The following DCDC1 variants were observed in gnomAD, a reference collection of about 807,000 sequenced individuals.
DCDC1 encodes the protein doublecortin domain-containing protein 1.
A neutral mutation model predicts 178.3 loss-of-function variants in DCDC1; 200 were observed. The ratio of observed to expected loss-of-function variants is 1.12; its 90% confidence interval spans 1.00 to 1.26. The LOEUF (loss-of-function observed/expected upper bound fraction) is 1.26. DCDC1 is among the 50% of genes most tolerant of loss of function. DCDC1 has a pLI of 0.00. For synonymous variants in DCDC1, 690 were observed against 604.8 expected, an observed-to-expected ratio of 1.14 and a Z score of -2.07; for missense variants, 1,983 against 1,749.2, an observed-to-expected ratio of 1.13 and a Z score of -2.38.
intron 20 of DCDC1, among the ~76,000 whole-genome samples, chr11:31,053,408 A>C (rs536642537): frequency 6.6e-6 from 1 of 152,262 alleles, no homozygotes; most frequent in African/African-American, 2.4e-5. Context: ...CATTCAAAGA[A>C]AAATTGGTAC....
rs1977128960 is a variant in DCDC1 at position 31,241,489 on chromosome 11, C to T, written c.1182G>A (p.Leu394=). 1 of 397,316 alleles carries T rather than the reference C, an allele frequency of 2.5e-6. No individual in the cohort carries two copies. The highest frequency in any genetic ancestry group is 1.3e-4 in the South Asian group (1 of 7,844). The allele number at this position is 397,316 out of a possible 1,614,324, so 24.6% of individuals were successfully genotyped here. Reference sequence around the variant, plus strand: ...TTTTTGCAGACTTTAATCGTTGGTACAGGGCCAAAAGAACTCCTTGGATGT... The same window carrying T: ...TTTTTGCAGACTTTAATCGTTGGTATAGGGCCAAAAGAACTCCTTGGATGT... ...KMYIQGVLLA[L]YQRLKSAKKY... Residue 394 remains leucine (L), a synonymous_variant, in exon 9 of 39, where the codon CTG becomes CTA. Transcript: ENST00000684477.
At chr11:31,063,209 T>C (rs1365873457) in intron 20 of DCDC1, among the ~76,000 whole-genome samples, 3 of 152,046 alleles carry the variant, frequency 2.0e-5, no homozygotes, top group Non-Finnish European at 2.9e-5. Flanking sequence ...CAACAGGTGC[T>C]GGAGAGGATG....
In DCDC1 at chr11:30,911,425, G is replaced by A; in HGVS notation, c.3654-5C>T. 6.3e-7 allele frequency: 1 copy of A among 1,588,610 alleles called. No homozygotes were observed. The highest frequency in any genetic ancestry group is 8.6e-7 in the Non-Finnish European group (1 of 1,166,598). ...TTACTCACAAGGTGAAAGGTCCTTG[G>A]GAAAACAGGATTAGCCACATTACAA... On this transcript the variant is annotated splice_region_variant and splice_polypyrimidine_tract_variant and intron_variant, in intron 27 of 38. Coordinates refer to ENST00000684477, the MANE Select transcript of DCDC1 (RefSeq NM_001387274.1).
In DCDC1 at chr11:30,980,475, G is replaced by A. The variant is rs112353932; in HGVS notation, c.2592-27907C>T. On this transcript the variant is annotated intron_variant, in intron 20 of 38. Transcript: ENST00000684477. The stretch of plus-strand genomic sequence containing the variant: ...AGTGTACAACTCCTAGTACTGAAAG[G>A]TAGACAAGAGATAGCTCTGTCAGGC... Among the ~76,000 whole-genome samples the A allele has an allele frequency of 1.2e-3, 181 of 152,256 alleles. No homozygotes were observed. The Middle Eastern group carries it at 0.024, about 20-fold the overall frequency.
At chr11:31,246,940 G>A (rs552380725) in intron 8 of DCDC1, among the ~76,000 whole-genome samples, 2 of 151,976 alleles carry the variant, frequency 1.3e-5, no homozygotes, top group Admixed American at 1.3e-4. Context: ...ACAAGCACAT[G>A]ATTGCTATAC....
intron 38 of DCDC1, among the ~76,000 whole-genome samples, chr11:30,876,463 G>A (rs1942128436): frequency 6.6e-6 from 1 of 152,078 alleles, no homozygotes; most frequent in Non-Finnish European, 1.5e-5. Flanking sequence ...AGATACCCAG[G>A]GCTAGCTGTC....
chr11:31,180,690 T>C (rs1454134851), intron 9 of DCDC1, among the ~76,000 whole-genome samples: 1 of 152,192 alleles, frequency 6.6e-6, no homozygotes, highest in Non-Finnish European at 1.5e-5. Flanking sequence ...GATTTTCCCA[T>C]GGCCTTCGCA....
intron 23 of DCDC1, among the ~76,000 whole-genome samples, chr11:30,922,934 A>G (rs544703637): frequency 6.6e-6 from 1 of 152,074 alleles, no homozygotes; most frequent in South Asian, 2.1e-4. Flanking sequence ...AAAGTTTAAA[A>G]AATAATTGTT....
intron 13 of DCDC1, 85 bp downstream of exon 13, chr11:31,106,712 G>A (rs1958872829): frequency 1.4e-6 from 1 of 715,408 alleles, no homozygotes; most frequent in African/African-American, 1.8e-5. Context: ...TTTCATGAAG[G>A]GTGCTACTTG....
At chr11:31,314,152 T>C (rs1948926951) in intron 3 of DCDC1, among the ~76,000 whole-genome samples, 1 of 152,234 alleles carries the variant, frequency 6.6e-6, no homozygotes, top group Non-Finnish European at 1.5e-5. Flanking sequence ...TTTCCTATCA[T>C]ATAAAATGCT....
At chr11:30,912,581 C>T (rs1433752794) in intron 27 of DCDC1, among the ~76,000 whole-genome samples, 1 of 152,164 alleles carries the variant, frequency 6.6e-6, no homozygotes, top group Admixed American at 6.5e-5. Context: ...CCATGCCCGG[C>T]CCTGTTTCAG....
At chr11:31,067,948 C>T (rs182695928) in intron 18 of DCDC1, among the ~76,000 whole-genome samples, 7 of 151,906 alleles carry the variant, frequency 4.6e-5, no homozygotes, top group Admixed American at 2.6e-4. Flanking sequence ...ATTGTGGTGA[C>T]GGATGCAAAA....
intron 6 of DCDC1, among the ~76,000 whole-genome samples, chr11:31,296,877 A>G (rs1213898346): frequency 6.6e-6 from 1 of 152,122 alleles, no homozygotes. Flanking sequence ...CCATGATCTA[A>G]TTACCTCCCA....
At chr11:31,125,507 G>A (rs969801418) in intron 11 of DCDC1, among the ~76,000 whole-genome samples, 2 of 151,938 alleles carry the variant, frequency 1.3e-5, no homozygotes, top group African/African-American at 4.8e-5. Context: ...TTACAATAGC[G>A]AAGACATGGA....
intron 9 of DCDC1, among the ~76,000 whole-genome samples, chr11:31,169,014 A>G (rs530470902): frequency 6.6e-6 from 1 of 152,238 alleles, no homozygotes; most frequent in South Asian, 2.1e-4. Context: ...TTGGATAAAG[A>G]AAACCTGGTA....
chr11:30,980,583 G>A (rs575816275), intron 20 of DCDC1, among the ~76,000 whole-genome samples: 2 of 152,178 alleles, frequency 1.3e-5, no homozygotes, highest in Non-Finnish European at 2.9e-5. Context: ...AGTTGTGGCT[G>A]TGCAGAAATG....
Position 31,233,629 on chromosome 11 carries a change from C to T in DCDC1, c.1221+7821G>A, listed in dbSNP as rs1477915092. On this transcript the variant is annotated intron_variant, in intron 9 of 38. Coordinates refer to ENST00000684477, the MANE Select transcript of DCDC1 (RefSeq NM_001387274.1). The stretch of plus-strand genomic sequence containing the variant: ...ACACTGAAGGGCCTAAAGGTGTCCA[C>T]CTGGTGGTTGGAAGGCAAACAGATT... Among the ~76,000 whole-genome samples, 3 of 152,166 alleles carry T rather than the reference C, an allele frequency of 2.0e-5. No individual in the cohort carries two copies. The East Asian group carries it at 5.8e-4, about 29-fold the overall frequency.
chr11:31,137,766 C>G lies in DCDC1; in HGVS notation c.1240G>C (p.Glu414Gln), dbSNP rs201221067. ...TTTTCTGTAATTTTCTCCTTCTGTT[C>G]ATTCATGACCAGGTTCAACTAGAAA... ...YYKQLNLVMNEQKEKITEKVI... is the reference protein window; with the variant it reads ...YYKQLNLVMNQQKEKITEKVI... The change falls in exon 10 of 39, where the codon GAA (glutamate) becomes CAA (glutamine). Residue 414 changes from glutamate to glutamine, a missense_variant. Physicochemically the swap from Glu to Gln is conservative, Grantham distance 29. Transcript: ENST00000684477. 42 of 702,546 alleles carry G rather than the reference C, an allele frequency of 6.0e-5. No individual in the cohort carries two copies. The highest frequency in any genetic ancestry group is 8.3e-5 in the Non-Finnish European group (32 of 384,806). The allele number at this position is 702,546 out of a possible 1,614,324, so 43.5% of individuals were successfully genotyped here.
chr11:31,280,997 C>A, intron 7 of DCDC1: 1 of 594,086 alleles, frequency 1.7e-6, no homozygotes. Context: ...TATTTAATTC[C>A]CTTTTTCGTC....
Sources: allele counts gnomAD v4.1 joint callset (sites outside exome capture counted in the v4.1 genomes callset), GRCh38; gene constraint gnomAD v4.1.1; transcripts MANE v1.5; gene names NCBI Gene and HGNC (gene_info 2026-07-23, HGNC 2026-07-21).